The following RBFOX1 variants were observed in gnomAD, a reference collection of about 807,000 sequenced individuals.
The protein encoded by RBFOX1 is RNA binding fox-1 homolog 1.
A neutral mutation model predicts 57.7 loss-of-function variants in RBFOX1; 8 were observed. The observed-to-expected ratio is 0.14, with a 90% confidence interval of 0.08 to 0.25. The LOEUF (loss-of-function observed/expected upper bound fraction) is 0.25. RBFOX1 is among the 10% of genes least tolerant of loss of function. The pLI is 1.00. For synonymous variants in RBFOX1, 326 were observed against 222.4 expected, an observed-to-expected ratio of 1.47 and a Z score of -4.15; for missense variants, 611 against 548.5, an observed-to-expected ratio of 1.11 and a Z score of -1.14.
chr16:5,734,462 C>G (rs2052499409), intron 3 of RBFOX1, among the ~76,000 whole-genome samples: 1 of 152,188 alleles, frequency 6.6e-6, no homozygotes, highest in Non-Finnish European at 1.5e-5. Flanking sequence ...AAAAACAGCA[C>G]ATGCTTTCAT....
intron 3 of RBFOX1, among the ~76,000 whole-genome samples, chr16:7,048,555 A>G (rs2048855992): frequency 6.6e-6 from 1 of 152,172 alleles, no homozygotes; most frequent in Non-Finnish European, 1.5e-5. Context: ...CACCGCGCCC[A>G]GCTCCTTTTG....
chr16:6,510,702 T>C (rs553935884), intron 2 of RBFOX1, among the ~76,000 whole-genome samples: 3 of 152,114 alleles, frequency 2.0e-5, no homozygotes, highest in East Asian at 3.9e-4. Context: ...AGTTTAAAGG[T>C]TGGAGAGGCT....
At position 6,331,588 on chromosome 16, in the gene RBFOX1, A is replaced by ATG. The variant is rs1197494625; in HGVS notation, c.-64+14539_-64+14540dup. Reference sequence around the variant, plus strand: ...ATAATATGTGTGTGTGTATATATATATGTGTGTGTATATATATGTGTATAT... The same window carrying ATG: ...ATAATATGTGTGTGTGTATATATATATGTGTGTGTGTATATATATGTGTATAT... On this transcript the variant is annotated intron_variant, in intron 2 of 15. Transcript: ENST00000550418. Among the ~76,000 whole-genome samples, 196 of 117,424 alleles carry ATG rather than the reference A, an allele frequency of 1.7e-3. 2 individuals are homozygous for ATG. The highest frequency in any genetic ancestry group is 6.1e-3 in the African/African-American group (179 of 29,480). 77.0% of individuals were successfully genotyped at this position (117,424 alleles called of 152,430 possible). A position where few individuals can be genotyped will look rare whatever the true frequency, so the allele number is the denominator to read the frequency against.
chr16:5,294,393 C>G (rs12934075), intron 1 of RBFOX1, among the ~76,000 whole-genome samples: 11,583 of 152,228 alleles, frequency 0.076, 489 homozygotes, highest in Middle Eastern at 0.13. Context: ...TGAGAATCTC[C>G]TTCTGGAATG....
rs140461032 is a variant in RBFOX1, at chr16:6,834,397, A to G, written c.-16+179747A>G. On this transcript the variant is annotated intron_variant, in intron 3 of 15. Coordinates refer to ENST00000550418, the MANE Select transcript of RBFOX1 (RefSeq NM_018723.4). Reference sequence around the variant, plus strand: ...TGGCCCTGATCCAAAAAATATTTTAATAAGATCTCTTGGGCTATTGGGAGA... The same window carrying G: ...TGGCCCTGATCCAAAAAATATTTTAGTAAGATCTCTTGGGCTATTGGGAGA... 7.2e-5 allele frequency among the ~76,000 whole-genome samples: 11 copies of G among 152,206 alleles called. No individual in the cohort carries two copies. In the East Asian group the frequency reaches 1.9e-3, roughly 27 times the overall value.
chr16:6,943,974 C>G (rs1004737573), intron 3 of RBFOX1, among the ~76,000 whole-genome samples: 1 of 152,094 alleles, frequency 6.6e-6, no homozygotes, highest in Non-Finnish European at 1.5e-5. Flanking sequence ...TGGGGGCTGC[C>G]CAACTCACGA....
chr16:7,379,648 G>A (rs1244506385), intron 4 of RBFOX1, among the ~76,000 whole-genome samples: 3 of 152,112 alleles, frequency 2.0e-5, no homozygotes, highest in Non-Finnish European at 2.9e-5. Context: ...TACATCTCAG[G>A]AGGGTTTTAG....
At chr16:5,257,523 T>A (rs1277081151) in intron 1 of RBFOX1, among the ~76,000 whole-genome samples, 7 of 152,174 alleles carry the variant, frequency 4.6e-5, no homozygotes. Flanking sequence ...ATGAATACGT[T>A]TGGACCCAGT....
intron 6 of RBFOX1, among the ~76,000 whole-genome samples, chr16:7,583,051 A>G (rs1182014199): frequency 1.3e-5 from 2 of 152,034 alleles, no homozygotes; most frequent in Non-Finnish European, 2.9e-5. Context: ...GAAGATTGGA[A>G]TCCTGATTAC....
At chr16:6,873,372 G>T (rs1196581873) in intron 3 of RBFOX1, among the ~76,000 whole-genome samples, 1 of 152,058 alleles carries the variant, frequency 6.6e-6, no homozygotes, top group Non-Finnish European at 1.5e-5. Context: ...CTTTAATTTA[G>T]GTCTTTGAGT....
chr16:5,281,090 A>G (rs1406605577), intron 1 of RBFOX1, among the ~76,000 whole-genome samples: 2 of 152,032 alleles, frequency 1.3e-5, no homozygotes, highest in African/African-American at 4.8e-5. Flanking sequence ...CTTCCCTCCT[A>G]GTACTGCTTT....
Position 5,827,132 on chromosome 16 carries a change from T to C in RBFOX1, c.319-40171T>C, listed in dbSNP as rs113186543. Among the ~76,000 whole-genome samples the C allele has an allele frequency of 1.4e-3, 212 of 152,302 alleles. 2 individuals carry two copies. The highest frequency in any genetic ancestry group is 4.6e-3 in the African/African-American group (193 of 41,568). On this transcript the variant is annotated intron_variant, in intron 3 of 19. Transcript: ENST00000641259. ...GCTACATTGAACAGGCCAGGCACTG[T>C]GGCTCATGCCTGTAATCCCAGCACT...
At chr16:5,365,619 A>G (rs56364737) in intron 1 of RBFOX1, among the ~76,000 whole-genome samples, 14,137 of 152,144 alleles carry the variant, frequency 0.093, 788 homozygotes, top group Middle Eastern at 0.21. Flanking sequence ...CAGTGAGCCG[A>G]TATCGTGCAC....
chr16:7,404,541 T>C (rs1424777202), intron 4 of RBFOX1, among the ~76,000 whole-genome samples: 1 of 152,212 alleles, frequency 6.6e-6, no homozygotes, highest in Non-Finnish European at 1.5e-5. Flanking sequence ...TTATCATTTC[T>C]GCTTCACAGT....
At chr16:7,095,716 T>A (rs1050528002) in intron 4 of RBFOX1, among the ~76,000 whole-genome samples, 1 of 152,180 alleles carries the variant, frequency 6.6e-6, no homozygotes, top group Non-Finnish European at 1.5e-5. Flanking sequence ...GTTTTTTAAT[T>A]CATTTCCTTG....
intron 6 of RBFOX1, among the ~76,000 whole-genome samples, chr16:7,586,011 T>C (rs1176885143): frequency 2.6e-5 from 4 of 151,712 alleles, no homozygotes; most frequent in Non-Finnish European, 5.9e-5. Context: ...CCTCTGGGGG[T>C]CATAAAGGAT....
intron 2 of RBFOX1, among the ~76,000 whole-genome samples, chr16:6,642,514 C>T (rs2098500441): frequency 6.6e-6 from 1 of 151,924 alleles, no homozygotes; most frequent in South Asian, 2.1e-4. Flanking sequence ...GTTACCCGGC[C>T]TTTTACCCCA....
chr16:6,947,572 C>G (rs1412707443), intron 3 of RBFOX1, among the ~76,000 whole-genome samples: 1 of 152,140 alleles, frequency 6.6e-6, no homozygotes, highest in East Asian at 1.9e-4. Context: ...TCCTGTTGCC[C>G]TTCCTTGCAG....
chr16:6,179,765 A>G (rs1433934918), intron 1 of RBFOX1, among the ~76,000 whole-genome samples: 4 of 152,224 alleles, frequency 2.6e-5, no homozygotes, highest in Admixed American at 2.6e-4. Context: ...TAGTGTATCA[A>G]GATCAAAACA....
Sources: allele counts gnomAD v4.1 joint callset (sites outside exome capture counted in the v4.1 genomes callset), GRCh38; gene constraint gnomAD v4.1.1; transcripts MANE v1.5; gene names NCBI Gene and HGNC (gene_info 2026-07-23, HGNC 2026-07-21).